The following INPP4B variants were observed in gnomAD, a reference collection of about 807,000 sequenced individuals.
INPP4B encodes the protein inositol polyphosphate-4-phosphatase type II B, also known as inositol polyphosphate 4-phosphatase type II.
Under a neutral mutation model 122.5 loss-of-function variants are expected in INPP4B, and 55 were observed. The ratio of observed to expected loss-of-function variants is 0.45; its 90% confidence interval spans 0.36 to 0.56. The LOEUF is 0.56. Among genes scored for constraint, INPP4B ranks in the 20% least tolerant of loss-of-function variants. INPP4B has a pLI of 0.00. For missense variants in INPP4B, 1,000 were observed against 1,097.7 expected, an observed-to-expected ratio of 0.91 and a Z score of 1.26; for synonymous variants, 403 against 388.7, an observed-to-expected ratio of 1.04 and a Z score of -0.43.
intron 22 of INPP4B, among the ~76,000 whole-genome samples, chr4:142,111,333 A>G (rs985342111): frequency 9.9e-5 from 15 of 151,998 alleles, no homozygotes; most frequent in Non-Finnish European, 1.3e-4. Flanking sequence ...TTTCAAAAGT[A>G]TGTTCTATGA....
chr4:142,127,396 G>A (rs1799105426), intron 18 of INPP4B, among the ~76,000 whole-genome samples: 1 of 151,962 alleles, frequency 6.6e-6, no homozygotes, highest in Admixed American at 6.6e-5. Flanking sequence ...CATAAGGATA[G>A]TTGCTTTATT....
chr4:142,558,622 T>G (rs113328895), intron 2 of INPP4B, among the ~76,000 whole-genome samples: 3 of 149,984 alleles, frequency 2.0e-5, no homozygotes, highest in African/African-American at 4.9e-5. Flanking sequence ...AAGATACATT[T>G]ATTTCTCCTT....
chr4:142,200,709 G>GA (rs1466277293), intron 14 of INPP4B, among the ~76,000 whole-genome samples: 2 of 151,942 alleles, frequency 1.3e-5, no homozygotes, highest in Non-Finnish European at 2.9e-5. Context: ...AATCAGATTT[G>GA]AAAAACAATA....
At chr4:142,772,712 G>A (rs952661476) in intron 1 of INPP4B, among the ~76,000 whole-genome samples, 1 of 152,130 alleles carries the variant, frequency 6.6e-6, no homozygotes. Flanking sequence ...TGTGGGTAAT[G>A]TATGAAGGAA....
chr4:142,479,659 A>C (rs1204857446), intron 2 of INPP4B, among the ~76,000 whole-genome samples: 1 of 152,176 alleles, frequency 6.6e-6, no homozygotes, highest in Non-Finnish European at 1.5e-5. Context: ...TGTCCTAAGC[A>C]GCAAATGAAC....
intron 25 of INPP4B, among the ~76,000 whole-genome samples, chr4:142,064,435 G>A (rs1030863286): frequency 6.6e-5 from 10 of 152,112 alleles, no homozygotes; most frequent in South Asian, 2.1e-4. Flanking sequence ...CAGTGGTCTC[G>A]GTTGCCATTT....
intron 1 of INPP4B, among the ~76,000 whole-genome samples, chr4:142,813,360 A>G (rs1244307727): frequency 6.6e-6 from 1 of 152,156 alleles, no homozygotes; most frequent in Non-Finnish European, 1.5e-5. Context: ...TAGAAAACAA[A>G]CCTCTCCAGA....
chr4:142,441,055 G>A (rs1042357422), intron 3 of INPP4B, among the ~76,000 whole-genome samples: 6 of 152,066 alleles, frequency 3.9e-5, no homozygotes. Context: ...AAGCTTGAAG[G>A]CCAGGCTAGA....
At chr4:142,674,053 G>A (rs1757374432) in intron 2 of INPP4B, among the ~76,000 whole-genome samples, 1 of 152,122 alleles carries the variant, frequency 6.6e-6, no homozygotes, top group Admixed American at 6.6e-5. Flanking sequence ...GAAAAAGTCT[G>A]CATCCAGTAA....
intron 8 of INPP4B, among the ~76,000 whole-genome samples, chr4:142,307,134 A>C (rs888504353): frequency 2.0e-5 from 3 of 152,148 alleles, no homozygotes; most frequent in African/African-American, 7.2e-5. Context: ...CAAGATAAAG[A>C]AGGAAGTTTG....
intron 12 of INPP4B, among the ~76,000 whole-genome samples, chr4:142,232,492 G>T (rs181016892): frequency 6.6e-6 from 1 of 151,880 alleles, no homozygotes; most frequent in African/African-American, 2.4e-5. Context: ...CCTAAAAGAC[G>T]GTGAACTTAG....
At chr4:142,817,457 G>T (rs1780241266) in intron 1 of INPP4B, among the ~76,000 whole-genome samples, 2 of 152,136 alleles carry the variant, frequency 1.3e-5, no homozygotes, top group Admixed American at 1.3e-4. Flanking sequence ...CATATGGAGT[G>T]CTTTAATCTT....
At chr4:142,455,408 A>G (rs1038304313) in intron 3 of INPP4B, among the ~76,000 whole-genome samples, 2 of 152,066 alleles carry the variant, frequency 1.3e-5, no homozygotes, top group Non-Finnish European at 2.9e-5. Flanking sequence ...AAGTGAGAAC[A>G]TATGATATTT....
intron 2 of INPP4B, among the ~76,000 whole-genome samples, chr4:142,528,628 C>G (rs999348621): frequency 3.3e-5 from 5 of 151,988 alleles, no homozygotes; most frequent in Admixed American, 6.6e-5. Context: ...TAGGCCCAGC[C>G]CATACTGAAG....
At chr4:142,424,476 G>A (rs1200228587) in intron 5 of INPP4B, among the ~76,000 whole-genome samples, 1 of 151,928 alleles carries the variant, frequency 6.6e-6, no homozygotes, top group Admixed American at 6.6e-5. Context: ...TCTACCAACT[G>A]GTGAGAACCA....
chr4:142,058,101 C>T (rs1430699065), intron 25 of INPP4B, among the ~76,000 whole-genome samples: 1 of 152,014 alleles, frequency 6.6e-6, no homozygotes, highest in Non-Finnish European at 1.5e-5. Context: ...GTAAAAATAC[C>T]ATACAAGTCA....
intron 1 of INPP4B, among the ~76,000 whole-genome samples, chr4:142,836,245 A>G (rs1008805347): frequency 6.6e-6 from 1 of 152,202 alleles, no homozygotes; most frequent in Admixed American, 6.6e-5. Context: ...TGGAAGAAAT[A>G]TCAGTGAGAA....
intron 2 of INPP4B, among the ~76,000 whole-genome samples, chr4:142,694,064 A>T (rs1760635645): frequency 6.6e-6 from 1 of 152,134 alleles, no homozygotes. Flanking sequence ...CAAGCATTTT[A>T]TTAAAAATTT....
At chr4:142,421,889 T>G (rs554133272) in intron 5 of INPP4B, among the ~76,000 whole-genome samples, 3 of 152,214 alleles carry the variant, frequency 2.0e-5, no homozygotes, top group Non-Finnish European at 4.4e-5. Context: ...CCTGACATTA[T>G]TAAAGTTGTT....
Sources: gnomAD v4.1 joint callset for allele counts (sites outside exome capture counted in the v4.1 genomes callset) on GRCh38, gnomAD v4.1.1 for gene constraint, MANE v1.5 for transcripts, NCBI Gene and HGNC (gene_info 2026-07-23, HGNC 2026-07-21) for gene names.